The following MCC variants were observed in gnomAD, a reference collection of about 807,000 sequenced individuals.
MCC encodes colorectal mutant cancer protein.
A neutral mutation model predicts 116.2 loss-of-function variants in MCC; 90 were observed. That is an observed-to-expected ratio of 0.77 (90% CI 0.65 to 0.92). MCC has a LOEUF of 0.92. MCC is among the 40% of genes least tolerant of loss of function. The pLI is 0.00. For missense variants in MCC, 1,516 were observed against 1,312.2 expected (o/e 1.16, Z -2.40); for synonymous variants, 578 against 510.5 (o/e 1.13, Z -1.78).
chr5:113,371,131 G>A (rs1051156895), intron 2 of MCC, among the ~76,000 whole-genome samples: 1 of 152,232 alleles, frequency 6.6e-6, no homozygotes, highest in African/African-American at 2.4e-5. Flanking sequence ...TGAGACAGGA[G>A]AATCACTTGA....
intron 4 of MCC, 50 bp downstream of exon 4, chr5:113,151,259 A>G: frequency 8.9e-7 from 1 of 1,127,574 alleles, no homozygotes; most frequent in Non-Finnish European, 1.3e-6. Flanking sequence ...AAGATTAAAT[A>G]TTTAAAACAA....
chr5:113,428,966 C>A (rs956443359), intron 1 of MCC, among the ~76,000 whole-genome samples: 1 of 152,150 alleles, frequency 6.6e-6, no homozygotes, highest in Admixed American at 6.5e-5. Flanking sequence ...TAGCTAATAA[C>A]CTAGACCTAT....
chr5:113,185,633 T>TCA (rs1016003783), intron 3 of MCC, among the ~76,000 whole-genome samples: 1 of 152,186 alleles, frequency 6.6e-6, no homozygotes, highest in Non-Finnish European at 1.5e-5. Flanking sequence ...ATTTTAAAAC[T>TCA]CAGCAGTCTA....
At chr5:113,282,470 A>G (rs7737512) in intron 3 of MCC, among the ~76,000 whole-genome samples, 19,570 of 152,222 alleles carry the variant, frequency 0.13, 1,392 homozygotes, top group Non-Finnish European at 0.17. Flanking sequence ...CGCTCTGTCA[A>G]TCCTACCAAA....
chr5:113,154,397 C>G (rs1289407570), intron 3 of MCC, among the ~76,000 whole-genome samples: 2 of 152,206 alleles, frequency 1.3e-5, no homozygotes, highest in East Asian at 3.8e-4. Flanking sequence ...GGGAAGCCAC[C>G]AACCAGCCAT....
intron 3 of MCC, among the ~76,000 whole-genome samples, chr5:113,265,949 C>A (rs1211084039): frequency 6.6e-6 from 1 of 152,106 alleles, no homozygotes; most frequent in Non-Finnish European, 1.5e-5. Context: ...AATATCCACT[C>A]TGCCTGCCAT....
At chr5:113,216,023 A>G (rs1026807255) in intron 3 of MCC, among the ~76,000 whole-genome samples, 2 of 152,226 alleles carry the variant, frequency 1.3e-5, no homozygotes, top group African/African-American at 4.8e-5. Flanking sequence ...CCTGTTCCAG[A>G]GGTCAGGAAA....
intron 3 of MCC, among the ~76,000 whole-genome samples, chr5:113,269,931 T>C (rs190898688): frequency 6.6e-6 from 1 of 152,326 alleles, no homozygotes; most frequent in Admixed American, 6.5e-5. Context: ...TAAAGTATAA[T>C]TACATTTCTG....
rs760391246 is a variant in MCC, at chr5:113,053,974, A to C, written c.2214-15T>G. ...AGCTGGTTGTGCTGAGAAAGAAGAAAAACAAAGACCCACCACCCTGTGTTA... is the reference window on the plus strand; with the variant it reads ...AGCTGGTTGTGCTGAGAAAGAAGAACAACAAAGACCCACCACCCTGTGTTA... On this transcript the variant is annotated splice_polypyrimidine_tract_variant and intron_variant, in intron 14 of 18. Transcript: ENST00000408903. 2 of 1,582,742 alleles carry C rather than the reference A, an allele frequency of 1.3e-6. No individual in the cohort carries two copies. The highest frequency in any genetic ancestry group is 3.3e-5 in the Admixed American group (2 of 59,752).
At chr5:113,397,890 G>A (rs1769567549) in intron 1 of MCC, among the ~76,000 whole-genome samples, 1 of 152,198 alleles carries the variant, frequency 6.6e-6, no homozygotes, top group African/African-American at 2.4e-5. Context: ...ACTATCAACT[G>A]AGTAAACAGA....
chr5:113,127,059 C>G (rs889280720), intron 5 of MCC, among the ~76,000 whole-genome samples: 1 of 152,118 alleles, frequency 6.6e-6, no homozygotes, highest in South Asian at 2.1e-4. Flanking sequence ...GTCTGTTGTT[C>G]CCCTCTTTGT....
chr5:113,271,861 A>G (rs1485799442), intron 3 of MCC, among the ~76,000 whole-genome samples: 1 of 152,162 alleles, frequency 6.6e-6, no homozygotes, highest in Non-Finnish European at 1.5e-5. Flanking sequence ...CAGTCCCTCA[A>G]TCTTGAACAT....
intron 13 of MCC, among the ~76,000 whole-genome samples, chr5:113,066,942 G>C (rs181534333): frequency 6.6e-6 from 1 of 152,158 alleles, no homozygotes; most frequent in Non-Finnish European, 1.5e-5. Flanking sequence ...GAAGGCTAAG[G>C]GGGTGTCCGG....
chr5:113,448,123 T>C (rs993100030), intron 1 of MCC: 3 of 152,234 alleles, frequency 2.0e-5, no homozygotes, highest in Non-Finnish European at 2.9e-5. Flanking sequence ...AATCTCACAA[T>C]AGGATTTTTC....
chr5:113,107,419 T>G (rs576437621), intron 6 of MCC, among the ~76,000 whole-genome samples: 1 of 152,210 alleles, frequency 6.6e-6, no homozygotes, highest in African/African-American at 2.4e-5. Context: ...GGTTTCACCA[T>G]GTTGGCCAGG....
At chr5:113,467,774 C>T (rs1466335242) in intron 1 of MCC, among the ~76,000 whole-genome samples, 1 of 152,164 alleles carries the variant, frequency 6.6e-6, no homozygotes, top group African/African-American at 2.4e-5. Context: ...TTACCTTGGG[C>T]AGTATGGCCA....
In MCC at chr5:113,022,662, T is replaced by G. The variant is rs1326812983; in HGVS notation, c.*4640A>C. The G allele has an allele frequency of 6.6e-6, 1 of 152,236 alleles. No individual in the cohort carries two copies. The highest frequency in any genetic ancestry group is 1.9e-4 in the East Asian group (1 of 5,202). The allele number at this position is 152,236 out of a possible 1,614,324, so 9.4% of individuals were successfully genotyped here. ...CAAACAGAACATTTTTCCACATGAA[T>G]TTGACTTGCAAAAAGTGCAAAAGGG... On this transcript the variant is annotated 3_prime_UTR_variant, in exon 19 of 19. Coordinates refer to ENST00000408903, the MANE Select transcript of MCC (RefSeq NM_001085377.2).
chr5:113,368,414 C>G (rs1466592762), intron 2 of MCC, among the ~76,000 whole-genome samples: 1 of 152,058 alleles, frequency 6.6e-6, no homozygotes, highest in African/African-American at 2.4e-5. Context: ...ATGTTTTTCC[C>G]TTTGTTTTCT....
chr5:113,254,792 T>C (rs773558248), intron 3 of MCC, among the ~76,000 whole-genome samples: 2 of 152,194 alleles, frequency 1.3e-5, no homozygotes, highest in African/African-American at 2.4e-5. Context: ...CTCCTTGGAT[T>C]TTCCCAATCT....
Sources: gnomAD v4.1 joint callset for allele counts (sites outside exome capture counted in the v4.1 genomes callset) on GRCh38, gnomAD v4.1.1 for gene constraint, MANE v1.5 for transcripts, NCBI Gene and HGNC (gene_info 2026-07-23, HGNC 2026-07-21) for gene names.